CLSTN2: variants seen among roughly 807,000 people sequenced by gnomAD.
CLSTN2 encodes calsyntenin-2.
Under a neutral mutation model 101.2 loss-of-function variants are expected in CLSTN2, and 48 were observed. The observed-to-expected ratio is 0.47, with a 90% CI of 0.38 to 0.60. CLSTN2 has a LOEUF of 0.60. Among genes scored for constraint, CLSTN2 ranks in the 20% least tolerant of loss-of-function variants. The pLI is 0.00. For missense variants in CLSTN2, 1,160 were observed against 1,238.2 expected, an observed-to-expected ratio of 0.94 and a Z score of 0.95; for synonymous variants, 481 against 463.6, an observed-to-expected ratio of 1.04 and a Z score of -0.48.
chr3:140,100,618 G>A lies in CLSTN2; in HGVS notation c.110-75333G>A, dbSNP rs565131340. On this transcript the variant is annotated intron_variant, in intron 1 of 16. Transcript: ENST00000458420. ...TTTACTTTCTTTTGCTTTCCTAAAT[G>A]TACTGATTACCCAGCCTCCCACACA... is the stretch of plus-strand genomic sequence containing the variant. Among the ~76,000 whole-genome samples the A allele has an allele frequency of 5.3e-5, 8 of 152,346 alleles. No homozygotes were observed. In the South Asian group the frequency reaches 1.7e-3, roughly 32 times the overall value.
intron 1 of CLSTN2, among the ~76,000 whole-genome samples, chr3:140,098,993 G>C (rs994052959): frequency 2.0e-5 from 3 of 152,176 alleles, no homozygotes; most frequent in Non-Finnish European, 4.4e-5. Flanking sequence ...GGTGGTGAGA[G>C]GCATGGATGG....
chr3:140,549,164 G>A (rs1187532803), intron 10 of CLSTN2, among the ~76,000 whole-genome samples: 9 of 126,962 alleles, frequency 7.1e-5, no homozygotes, highest in Middle Eastern at 3.7e-3. Flanking sequence ...TTGCATCTGC[G>A]TAGATCTTCT....
intron 8 of CLSTN2, among the ~76,000 whole-genome samples, chr3:140,487,996 T>C (rs140818420): frequency 1.3e-5 from 2 of 152,290 alleles, no homozygotes; most frequent in East Asian, 3.9e-4. Flanking sequence ...CCTGTAAACA[T>C]AGACATAAAA....
chr3:140,351,973 A>G lies in CLSTN2; in HGVS notation c.233-51656A>G, dbSNP rs1176311485. 3.3e-5 allele frequency among the ~76,000 whole-genome samples: 5 copies of G among 152,288 alleles called. No homozygotes were observed. In the East Asian group the frequency reaches 7.7e-4, roughly 24 times the overall value. On this transcript the variant is annotated intron_variant, in intron 2 of 16. Transcript: ENST00000458420. ...TGGAAAGTTAGAAAGGAAATTTACC[A>G]TCTTTTCTTCCTGTAGAGAATAAAT...
chr3:140,358,136 G>A (rs923525334), intron 2 of CLSTN2, among the ~76,000 whole-genome samples: 3 of 152,104 alleles, frequency 2.0e-5, no homozygotes, highest in African/African-American at 7.2e-5. Flanking sequence ...CAACCAATGG[G>A]TCTCCTCGAC....
At chr3:140,533,903 G>T (rs970389607) in intron 9 of CLSTN2, among the ~76,000 whole-genome samples, 2 of 152,046 alleles carry the variant, frequency 1.3e-5, no homozygotes, top group African/African-American at 4.8e-5. Context: ...AGGAGATAAG[G>T]TATAAATGAG....
chr3:140,121,768 T>A (rs1186797744), intron 1 of CLSTN2, among the ~76,000 whole-genome samples: 1 of 152,088 alleles, frequency 6.6e-6, no homozygotes, highest in Non-Finnish European at 1.5e-5. Context: ...GTGGGCTTGG[T>A]GAGAGGGAGC....
chr3:140,496,928 C>A (rs1934478339), intron 8 of CLSTN2, among the ~76,000 whole-genome samples: 1 of 152,132 alleles, frequency 6.6e-6, no homozygotes, highest in Non-Finnish European at 1.5e-5. Flanking sequence ...TGGTGAAACC[C>A]TGTCTCTACT....
intron 1 of CLSTN2, among the ~76,000 whole-genome samples, chr3:140,157,808 T>A (rs1443877845): frequency 1.3e-5 from 2 of 152,230 alleles, no homozygotes; most frequent in Non-Finnish European, 2.9e-5. Context: ...TAAAAGCTAA[T>A]ACACCATGAT....
chr3:140,275,282 T>TA (rs2086782864), intron 2 of CLSTN2, among the ~76,000 whole-genome samples: 2 of 151,130 alleles, frequency 1.3e-5, no homozygotes, highest in Non-Finnish European at 1.5e-5. Context: ...GAGGAGTTTT[T>TA]TTTTTTAAGT....
At chr3:139,960,111 A>C (rs1291659823) in intron 1 of CLSTN2, among the ~76,000 whole-genome samples, 1 of 152,188 alleles carries the variant, frequency 6.6e-6, no homozygotes, top group African/African-American at 2.4e-5. Flanking sequence ...TTTTAGTGGG[A>C]GAGGGAAGGG....
At chr3:140,491,777 G>A (rs1934357562) in intron 8 of CLSTN2, among the ~76,000 whole-genome samples, 1 of 152,164 alleles carries the variant, frequency 6.6e-6, no homozygotes, top group Non-Finnish European at 1.5e-5. Flanking sequence ...AGCCGAAATT[G>A]CACCACTGCA....
intron 2 of CLSTN2, among the ~76,000 whole-genome samples, chr3:140,181,529 G>T (rs1309088330): frequency 6.6e-6 from 1 of 152,156 alleles, no homozygotes; most frequent in African/African-American, 2.4e-5. Flanking sequence ...TAGTGTAATG[G>T]TGTGGGACAG....
At chr3:140,452,517 A>T (rs1017215255) in intron 6 of CLSTN2, 3 of 152,338 alleles carry the variant, frequency 2.0e-5, no homozygotes, top group Non-Finnish European at 4.4e-5. Flanking sequence ...CTAGCCACGG[A>T]TATCTCCTCA....
At position 140,209,376 on chromosome 3, in the gene CLSTN2, C is replaced by G. The variant is rs141209535; in HGVS notation, c.232+33303C>G. On this transcript the variant is annotated intron_variant, in intron 2 of 16. Coordinates refer to ENST00000458420, the MANE Select transcript of CLSTN2 (RefSeq NM_022131.3). The stretch of plus-strand genomic sequence containing the variant: ...TCAGGACAGTGGGTTCTCTTTCTTT[C>G]AGCTGTGTAGCTTTGGTGGCCATAG... Among the ~76,000 whole-genome samples the G allele has an allele frequency of 3.4e-3, 516 of 152,288 alleles. 4 individuals carry two copies. The highest frequency in any genetic ancestry group is 0.012 in the African/African-American group (483 of 41,548).
intron 2 of CLSTN2, among the ~76,000 whole-genome samples, chr3:140,252,507 C>A (rs1437426257): frequency 6.6e-6 from 1 of 152,064 alleles, no homozygotes; most frequent in Admixed American, 6.6e-5. Flanking sequence ...CACAGAAGGG[C>A]GTATAGATGA....
At chr3:140,186,536 G>C (rs1202576459) in intron 2 of CLSTN2, among the ~76,000 whole-genome samples, 1 of 152,074 alleles carries the variant, frequency 6.6e-6, no homozygotes, top group Non-Finnish European at 1.5e-5. Flanking sequence ...GAATACCTTG[G>C]CATGAGTTCA....
chr3:140,171,265 C>A (rs1472720735), intron 1 of CLSTN2, among the ~76,000 whole-genome samples: 1 of 152,130 alleles, frequency 6.6e-6, no homozygotes, highest in Admixed American at 6.6e-5. Context: ...CCAATTCACA[C>A]CTGCAGTGGC....
At chr3:140,276,111 C>T (rs959194736) in intron 2 of CLSTN2, among the ~76,000 whole-genome samples, 4 of 152,092 alleles carry the variant, frequency 2.6e-5, no homozygotes, top group Non-Finnish European at 4.4e-5. Context: ...TTTCAATTTC[C>T]ACCCAGAGAG....
Sources: gnomAD v4.1 joint callset for allele counts (sites outside exome capture counted in the v4.1 genomes callset) on GRCh38, gnomAD v4.1.1 for gene constraint, MANE v1.5 for transcripts, NCBI Gene and HGNC (gene_info 2026-07-23, HGNC 2026-07-21) for gene names.